The following DAPK2 variants were observed in gnomAD, a reference collection of about 807,000 sequenced individuals.
The protein encoded by DAPK2 is death-associated protein kinase 2.
In DAPK2, 35 loss-of-function variants were observed where a neutral mutation model predicts 44.1. The ratio of observed to expected loss-of-function variants is 0.79; its 90% CI spans 0.61 to 1.05. The LOEUF (loss-of-function observed/expected upper bound fraction) is 1.05. Ranked by LOEUF, DAPK2 falls within the 50% of genes least tolerant of loss-of-function variation. The pLI, the probability that DAPK2 is intolerant of heterozygous loss-of-function variation, is 0.00. For synonymous variants in DAPK2, 174 were observed against 182.6 expected (o/e 0.95, Z 0.38); for missense variants, 453 against 483.2 (o/e 0.94, Z 0.59).
At chr15:63,927,157 T>C (rs1699885970) in intron 6 of DAPK2, among the ~76,000 whole-genome samples, 1 of 152,194 alleles carries the variant, frequency 6.6e-6, no homozygotes, top group Non-Finnish European at 1.5e-5. Flanking sequence ...AAAGCCTTCA[T>C]GCAATCCTGG....
intron 4 of DAPK2, 80 bp from the exon 6 acceptor site, chr15:63,930,535 G>C: frequency 7.5e-7 from 1 of 1,334,184 alleles, no homozygotes; most frequent in Admixed American, 1.7e-5. Flanking sequence ...TAGGGAATTT[G>C]GTGCCAAATA....
At chr15:63,927,762 A>G (rs1489303502) in intron 6 of DAPK2, among the ~76,000 whole-genome samples, 1 of 148,276 alleles carries the variant, frequency 6.7e-6, no homozygotes, top group East Asian at 2.0e-4. Flanking sequence ...TTTTTTTGAG[A>G]CAGGGTCTTG....
chr15:63,924,045 C>T (rs2079168317), intron 8 of DAPK2, among the ~76,000 whole-genome samples: 1 of 152,142 alleles, frequency 6.6e-6, no homozygotes, highest in South Asian at 2.1e-4. Context: ...CTGGCCTTCT[C>T]ACATAACAGT....
chr15:64,011,229 T>C (rs2079381433), intron 1 of DAPK2, among the ~76,000 whole-genome samples: 1 of 152,184 alleles, frequency 6.6e-6, no homozygotes, highest in Non-Finnish European at 1.5e-5. Flanking sequence ...AGTCACCTCT[T>C]GCCTGTGAGC....
At position 63,983,636 on chromosome 15, in the gene DAPK2, T is replaced by C. The variant is rs1262740918; in HGVS notation, c.211A>G (p.Ile71Val). 2.5e-6 allele frequency: 4 copies of C among 1,614,032 alleles called. No homozygotes were observed. In the African/African-American group the frequency reaches 4.0e-5, roughly 16 times the overall value. The change falls in exon 2 of 11, where the codon ATC becomes GTC. Residue 71 changes from isoleucine to valine, a missense_variant. Transcript: ENST00000261891. Reference sequence around the variant, plus strand: ...CGCAGGATGCTCACCTCCCGCTCGATCTCCTCCCGGCTCACACCGCGCCGG... The same window carrying C: ...CGCAGGATGCTCACCTCCCGCTCGACCTCCTCCCGGCTCACACCGCGCCGG...
At chr15:63,993,205 G>A (rs1019089673) in intron 1 of DAPK2, among the ~76,000 whole-genome samples, 1 of 152,108 alleles carries the variant, frequency 6.6e-6, no homozygotes, top group African/African-American at 2.4e-5. Flanking sequence ...GGATCCCTAA[G>A]GGTTATCCTG....
At chr15:64,004,663 C>T (rs1156784663) in intron 1 of DAPK2, among the ~76,000 whole-genome samples, 1 of 152,138 alleles carries the variant, frequency 6.6e-6, no homozygotes, top group East Asian at 1.9e-4. Flanking sequence ...GGGGTCTTTC[C>T]CCTCAGCTTG....
intron 1 of DAPK2, among the ~76,000 whole-genome samples, chr15:64,031,971 G>A (rs1333148733): frequency 6.6e-6 from 1 of 152,182 alleles, no homozygotes; most frequent in Non-Finnish European, 1.5e-5. Context: ...AGCTTGCTTG[G>A]CTGAGGTATT....
chr15:63,989,173 G>A (rs1373274219), intron 1 of DAPK2, among the ~76,000 whole-genome samples: 13 of 128,776 alleles, frequency 1.0e-4, no homozygotes, highest in Non-Finnish European at 1.6e-5. Flanking sequence ...GGGTGACAGG[G>A]TGAGACTTTG....
chr15:64,017,657 G>A (rs530682387), intron 1 of DAPK2, among the ~76,000 whole-genome samples: 32 of 152,288 alleles, frequency 2.1e-4, no homozygotes, highest in South Asian at 8.3e-4. Context: ...TCCAAGCCTC[G>A]GTTTTCTCTT....
At chr15:64,033,715 T>C (rs894551077) in intron 1 of DAPK2, among the ~76,000 whole-genome samples, 7 of 152,066 alleles carry the variant, frequency 4.6e-5, no homozygotes, top group African/African-American at 1.2e-4. Flanking sequence ...GAGACCATCC[T>C]GGCTAACACG....
intron 10 of DAPK2, 42 bp downstream of exon 11, chr15:63,911,866 A>G: frequency 6.3e-7 from 1 of 1,597,640 alleles, no homozygotes. Flanking sequence ...GCTCCAGGCT[A>G]CCCCAGAATT....
intron 3 of DAPK2, among the ~76,000 whole-genome samples, chr15:63,965,153 C>T (rs529561373): frequency 6.6e-6 from 1 of 152,292 alleles, no homozygotes; most frequent in East Asian, 1.9e-4. Context: ...GTCACTCCAG[C>T]CAAATCTGTA....
chr15:64,034,492 G>T (rs1281332397), intron 1 of DAPK2, among the ~76,000 whole-genome samples: 1 of 152,202 alleles, frequency 6.6e-6, no homozygotes, highest in African/African-American at 2.4e-5. Context: ...GTCTGGCAGG[G>T]TGTCTTGCAT....
intron 5 of DAPK2, 147 bp from the exon 7 acceptor site, chr15:63,929,724 A>G (rs2079463429): frequency 1.1e-6 from 1 of 895,182 alleles, no homozygotes; most frequent in Non-Finnish European, 1.8e-6. Flanking sequence ...ACCCATCTCC[A>G]TCCTGCTCTT....
chr15:63,947,446 G>A (rs1378371073), intron 3 of DAPK2, among the ~76,000 whole-genome samples: 1 of 152,162 alleles, frequency 6.6e-6, no homozygotes, highest in East Asian at 1.9e-4. Flanking sequence ...TAAAGAAATG[G>A]GCCAATGCGG....
chr15:63,989,818 A>G (rs935340080), intron 1 of DAPK2, among the ~76,000 whole-genome samples: 2 of 151,968 alleles, frequency 1.3e-5, no homozygotes, highest in East Asian at 1.9e-4. Context: ...CAGTCTCCCA[A>G]GTAGCTGGGA....
In DAPK2 at chr15:63,908,683, G is replaced by C; in HGVS notation, c.1033-83C>G. On this transcript the variant is annotated intron_variant, in intron 10 of 10. Transcript: ENST00000261891. The surrounding 1 kb of genome is among the most constrained non-coding windows in gnomAD (Gnocchi z 5.7). ...GGGGCTGTGCTGGGCAACCTGGGTT[G>C]ATTCACCTGGACCACGGGACTACAA... 8 of 1,188,914 alleles carry C rather than the reference G, an allele frequency of 6.7e-6. No individual in the cohort carries two copies. Among genetic ancestry groups the C allele is most frequent in the Non-Finnish European group, 9.2e-6 (8 of 869,022 alleles). The allele number at this position is 1,188,914 out of a possible 1,614,324, so 73.6% of individuals were successfully genotyped here. A position where few individuals can be genotyped will look rare whatever the true frequency, so the allele number is the denominator to read the frequency against.
chr15:63,912,219 G>T lies in DAPK2; in HGVS notation c.859-22C>A, dbSNP rs188760559. ...CCGGCTGAGAGACAAAGCAGAGCAT[G>T]GCAGCTGATGCTGGGCTTCAGACAG... On this transcript the variant is annotated intron_variant, in intron 8 of 10. Coordinates refer to ENST00000261891, the Ensembl canonical transcript of DAPK2. This position sits in a 1 kb window ranked among gnomAD's most constrained non-coding sequence, Gnocchi z 4.4. 4 of 1,612,328 alleles carry T rather than the reference G, an allele frequency of 2.5e-6. No homozygotes were observed. The highest frequency in any genetic ancestry group is 2.7e-5 in the African/African-American group (2 of 75,018).
Sources: allele counts gnomAD v4.1 joint callset (sites outside exome capture counted in the v4.1 genomes callset), GRCh38; gene constraint gnomAD v4.1.1; non-coding constraint Gnocchi (gnomAD v3.1); transcripts MANE v1.5; gene names NCBI Gene and HGNC (gene_info 2026-07-23, HGNC 2026-07-21).